CD2AP: variants seen among roughly 807,000 people sequenced by gnomAD.
CD2AP encodes CD2 associated protein.
Under a neutral mutation model 85.1 loss-of-function variants are expected in CD2AP, and 46 were observed. The ratio of observed to expected loss-of-function variants is 0.54; its 90% confidence interval spans 0.43 to 0.69. The LOEUF (loss-of-function observed/expected upper bound fraction) is 0.69. CD2AP is among the 30% of genes least tolerant of loss of function. The probability of loss-of-function intolerance (pLI) is 0.00; values close to 1 mark genes in which losing one functional copy is unlikely to be tolerated. For missense variants in CD2AP, 769 were observed against 729.5 expected (o/e 1.05, Z -0.62); for synonymous variants, 255 against 252.9 (o/e 1.01, Z -0.08).
chr6:47,618,204 C>T (rs1241977056), intron 17 of CD2AP, among the ~76,000 whole-genome samples: 1 of 152,062 alleles, frequency 6.6e-6, no homozygotes, highest in Non-Finnish European at 1.5e-5. Context: ...CCTGTAATCC[C>T]AGCTACTAGA....
At chr6:47,579,558 G>A in intron 9 of CD2AP, 69 bp downstream of exon 9, 5 of 979,976 alleles carry the variant, frequency 5.1e-6, no homozygotes, top group African/African-American at 1.6e-5. Context: ...TTGCAAACAA[G>A]TTTTTTTGCA....
chr6:47,489,292 T>C (rs9367281), intron 1 of CD2AP: 47,396 of 151,300 alleles, frequency 0.31, 8,530 homozygotes, highest in Middle Eastern at 0.51. Flanking sequence ...CTCAGCCTCC[T>C]GAGTAGCTGG....
At chr6:47,491,620 T>G (rs1020058604) in intron 1 of CD2AP, among the ~76,000 whole-genome samples, 6 of 152,098 alleles carry the variant, frequency 3.9e-5, no homozygotes, top group African/African-American at 1.4e-4. Flanking sequence ...TTATGCCTAT[T>G]TGGAATTTGT....
intron 5 of CD2AP, 144 bp from the exon 6 acceptor site, chr6:47,573,920 C>A: frequency 1.4e-6 from 1 of 708,128 alleles, no homozygotes; most frequent in South Asian, 1.7e-5. Context: ...GCATCTTGCT[C>A]TTCTGGATAT....
chr6:47,493,010 T>G (rs1196143680), intron 1 of CD2AP, among the ~76,000 whole-genome samples: 1 of 152,206 alleles, frequency 6.6e-6, no homozygotes, highest in Non-Finnish European at 1.5e-5. Context: ...CATAGAGTAT[T>G]CCTTATTCCT....
At position 47,597,092 on chromosome 6, in the gene CD2AP, C is replaced by CTAAG. The variant is rs552601300; in HGVS notation, c.1274+1067_1274+1070dup. ...AATGCATCAGTAAATTCCCAGGGTG[C>CTAAG]TAAGCACTATTCTGTTGGCTGTGCC... On this transcript the variant is annotated intron_variant, in intron 12 of 17. Coordinates refer to ENST00000359314, the MANE Select transcript of CD2AP (RefSeq NM_012120.3). 4.5e-3 allele frequency among the ~76,000 whole-genome samples: 637 copies of CTAAG among 141,288 alleles called. 9 individuals carry two copies. Among genetic ancestry groups the CTAAG allele is most frequent in the African/African-American group, 0.014 (581 of 40,570 alleles). The allele number at this position is 141,288 out of a possible 152,430, so 92.7% of individuals were successfully genotyped here.
intron 17 of CD2AP, among the ~76,000 whole-genome samples, chr6:47,615,705 G>T (rs958544562): frequency 6.6e-6 from 1 of 152,086 alleles, no homozygotes; most frequent in Non-Finnish European, 1.5e-5. Flanking sequence ...CTGAGATTTG[G>T]TGGGGACACA....
chr6:47,548,569 CCAA>C (rs1420812751), intron 4 of CD2AP, among the ~76,000 whole-genome samples: 2 of 151,910 alleles, frequency 1.3e-5, no homozygotes, highest in African/African-American at 4.8e-5. Context: ...TAAAAAATTA[CCAA>C]CAACAACAAA....
intron 1 of CD2AP, among the ~76,000 whole-genome samples, chr6:47,478,508 G>GA (rs1765363986): frequency 6.6e-6 from 1 of 152,106 alleles, no homozygotes; most frequent in African/African-American, 2.4e-5. Context: ...AAAGGTGCGG[G>GA]ATGGGGGGCG....
chr6:47,622,797 A>G (rs1357758098), intron 17 of CD2AP, among the ~76,000 whole-genome samples: 3 of 152,096 alleles, frequency 2.0e-5, no homozygotes, highest in Admixed American at 6.5e-5. Flanking sequence ...AAAATACACA[A>G]TGCGAGTCTC....
At chr6:47,481,381 T>A (rs1431687872) in intron 1 of CD2AP, among the ~76,000 whole-genome samples, 1 of 152,200 alleles carries the variant, frequency 6.6e-6, no homozygotes, top group Admixed American at 6.5e-5. Flanking sequence ...AGTTTTGCTC[T>A]GTTGCCCAAG....
chr6:47,596,317 C>T (rs1020665230), intron 12 of CD2AP, among the ~76,000 whole-genome samples: 91 of 152,076 alleles, frequency 6.0e-4, no homozygotes, highest in African/African-American at 2.0e-3. Context: ...GAATGCGGTA[C>T]ATCACATTAA....
At chr6:47,488,749 G>A (rs1765640856) in intron 1 of CD2AP, among the ~76,000 whole-genome samples, 1 of 149,484 alleles carries the variant, frequency 6.7e-6, no homozygotes, top group Non-Finnish European at 1.5e-5. Flanking sequence ...GAGATAGCCA[G>A]GTGTGGTGGC....
At chr6:47,513,018 A>C (rs185286455) in intron 2 of CD2AP, among the ~76,000 whole-genome samples, 32 of 152,336 alleles carry the variant, frequency 2.1e-4, no homozygotes, top group Non-Finnish European at 3.7e-4. Context: ...GAGAGAAATG[A>C]TGTCAGGACA....
intron 2 of CD2AP, among the ~76,000 whole-genome samples, chr6:47,520,529 G>A (rs550351687): frequency 1.5e-4 from 23 of 152,102 alleles, no homozygotes; most frequent in Non-Finnish European, 2.9e-4. Flanking sequence ...GAAGGAAGGT[G>A]TGGTTTGTTT....
At chr6:47,547,486 C>CTG (rs1554172513) in intron 4 of CD2AP, among the ~76,000 whole-genome samples, 1 of 151,162 alleles carries the variant, frequency 6.6e-6, no homozygotes, top group African/African-American at 2.4e-5. Context: ...TATCACAATT[C>CTG]TATATATATA....
chr6:47,547,488 A>G (rs921932054), intron 4 of CD2AP, among the ~76,000 whole-genome samples: 8 of 151,758 alleles, frequency 5.3e-5, no homozygotes, highest in Non-Finnish European at 1.0e-4. Context: ...TCACAATTCT[A>G]TATATATATA....
At position 47,586,230 on chromosome 6, in the gene CD2AP, A is replaced by T. The variant is rs536984429; in HGVS notation, c.1108+4165A>T. 3.3e-5 allele frequency among the ~76,000 whole-genome samples: 5 copies of T among 152,308 alleles called. No homozygotes were observed. In the East Asian group the frequency reaches 7.7e-4, roughly 23 times the overall value. ...GCAAAAACTGGAAAATATAAGAAAG[A>T]CCCAAATTGAACCTTTAGAAAAGAA... is the stretch of plus-strand genomic sequence containing the variant. On this transcript the variant is annotated intron_variant, in intron 11 of 17. Coordinates refer to ENST00000359314, the MANE Select transcript of CD2AP (RefSeq NM_012120.3).
In CD2AP at chr6:47,515,848, A is replaced by AT. The variant is rs200203288; in HGVS notation, c.165+12419dup. Among the ~76,000 whole-genome samples the AT allele has an allele frequency of 1.7e-3, 255 of 149,954 alleles. 1 individual carries two copies. The highest frequency in any genetic ancestry group is 5.8e-3 in the African/African-American group (237 of 41,064). On this transcript the variant is annotated intron_variant, in intron 2 of 17. Coordinates refer to ENST00000359314, the MANE Select transcript of CD2AP (RefSeq NM_012120.3). ...TCAAATTGCAATTTGATGGAAGTAA[A>AT]TTTTTTTTTTTAAACTAAACTCAAG...
Sources: allele counts gnomAD v4.1 joint callset (sites outside exome capture counted in the v4.1 genomes callset), GRCh38; gene constraint gnomAD v4.1.1; transcripts MANE v1.5; gene names NCBI Gene and HGNC (gene_info 2026-07-23, HGNC 2026-07-21).